Variants in PARL observed in about 807,000 individuals in gnomAD.
PARL encodes the protein presenilin-associated rhomboid-like protein, mitochondrial.
A neutral mutation model predicts 51.6 loss-of-function variants in PARL; 44 were observed. That is an observed-to-expected ratio of 0.85 (90% CI 0.67 to 1.10). PARL has a LOEUF of 1.10. PARL is among the 50% of genes least tolerant of loss of function. The pLI is 0.00. For synonymous variants in PARL, 172 were observed against 164.0 expected (o/e 1.05, Z -0.37); for missense variants, 441 against 469.5 (o/e 0.94, Z 0.56).
rs567545758 is a variant in PARL at position 183,833,479 on chromosome 3, C to T, written c.1028+13G>A. On this transcript the variant is annotated intron_variant, in intron 9 of 9. Transcript: ENST00000317096. ...AAGGAAGCAGTTTAGCAATCAATTA[C>T]ACTCAAACTTACATTCCAAAAAGAG... is the stretch of plus-strand genomic sequence containing the variant. 34 of 1,535,854 alleles carry T rather than the reference C, an allele frequency of 2.2e-5. No individual in the cohort carries two copies. Among genetic ancestry groups the T allele is most frequent in the Admixed American group, 6.7e-5 (4 of 59,930 alleles).
intron 6 of PARL, 117 bp downstream of exon 6, chr3:183,842,181 A>T: frequency 1.9e-6 from 2 of 1,039,992 alleles, no homozygotes; most frequent in Non-Finnish European, 3.0e-6. Context: ...GTGAGAAACA[A>T]ATATGTTCTG....
At chr3:183,851,720 A>C (rs1278076006) in intron 4 of PARL, among the ~76,000 whole-genome samples, 1 of 152,192 alleles carries the variant, frequency 6.6e-6, no homozygotes, top group East Asian at 1.9e-4. Context: ...CCAATGTAAA[A>C]ATGGGAAAGG....
intron 9 of PARL, 80 bp downstream of exon 9, chr3:183,833,412 G>A: frequency 1.2e-6 from 1 of 855,224 alleles, no homozygotes; most frequent in South Asian, 1.4e-5. Context: ...CCATGGGGAT[G>A]GGGGGTAGGG....
chr3:183,851,637 A>G (rs569381615), intron 4 of PARL, among the ~76,000 whole-genome samples: 1 of 152,280 alleles, frequency 6.6e-6, no homozygotes, highest in Admixed American at 6.5e-5. Context: ...AAGGCAACAA[A>G]ATGGGAGAAA....
intron 6 of PARL, among the ~76,000 whole-genome samples, chr3:183,841,809 C>G (rs1021025038): frequency 1.3e-5 from 2 of 152,090 alleles, no homozygotes; most frequent in Admixed American, 1.3e-4. Flanking sequence ...GCAAAGAAGA[C>G]AGAACAAACT....
At position 183,884,796 on chromosome 3, in the gene PARL, C is replaced by A. The variant is rs762024775; in HGVS notation, c.51G>T (p.Trp17Cys). 7.5e-6 allele frequency: 12 copies of A among 1,594,716 alleles called. No homozygotes were observed. The South Asian group carries it at 1.3e-4, about 18-fold the overall frequency. ...AGCTGCGGCCGCCCACCGACGCACC[C>A]CACGCCTGGCCGCAGCCCCAGCCTC... is the stretch of plus-strand genomic sequence containing the variant. ...AQRGWGCGQAWGASVGGRSCE... is the reference protein window; with the variant it reads ...AQRGWGCGQACGASVGGRSCE... Residue 17 changes from tryptophan (W) to cysteine (C), a missense_variant, in exon 1 of 10, where the codon TGG becomes TGT. Physicochemically the swap from Trp to Cys is radical, Grantham distance 215. Transcript: ENST00000317096.
intron 4 of PARL, among the ~76,000 whole-genome samples, chr3:183,855,927 G>C (rs542928316): frequency 3.3e-5 from 5 of 150,538 alleles, no homozygotes; most frequent in Admixed American, 6.7e-5. Context: ...CTACATTCTA[G>C]CCTGGGTGAC....
chr3:183,842,491 G>A (rs759752847), intron 5 of PARL, 44 bp from the exon 6 acceptor site: 3 of 1,587,242 alleles, frequency 1.9e-6, no homozygotes, highest in Admixed American at 3.3e-5. Context: ...GAAACACACA[G>A]CCAATAAAAA....
intron 4 of PARL, among the ~76,000 whole-genome samples, chr3:183,849,787 G>A (rs1039589506): frequency 1.3e-5 from 2 of 151,966 alleles, no homozygotes; most frequent in African/African-American, 4.8e-5. Context: ...ATCTCATACA[G>A]GTCTGAGATT....
chr3:183,831,547 A>G lies in PARL; in HGVS notation c.1029-1838T>C, dbSNP rs1269099419. On this transcript the variant is annotated intron_variant, in intron 9 of 9. Coordinates refer to ENST00000317096, the MANE Select transcript of PARL (RefSeq NM_018622.7). ...GCAGTTTCTTTTTCTGTAAAATAAA[A>G]TACCTCACAGGATTTTAAGAGAATT... Among the ~76,000 whole-genome samples the G allele has an allele frequency of 2.0e-5, 3 of 152,234 alleles. No individual in the cohort carries two copies. The East Asian group carries it at 5.8e-4, about 29-fold the overall frequency.
At position 183,829,667 on chromosome 3, in the gene PARL, C is replaced by T. The variant is rs768972694; in HGVS notation, c.1071G>A (p.Arg357=). The T allele has an allele frequency of 6.2e-7, 1 of 1,614,148 alleles. No homozygotes were observed. The highest frequency in any genetic ancestry group is 8.5e-7 in the Non-Finnish European group (1 of 1,180,030). The change falls in exon 10 of 10, where the codon AGG becomes AGA. Residue 357 remains arginine (R), a synonymous_variant. Coordinates refer to ENST00000317096, the MANE Select transcript of PARL (RefSeq NM_018622.7). The stretch of plus-strand genomic sequence containing the variant: ...CATGCCAGATTTTCACTAGCGGCTC[C>T]CTGTTCTTCCAAATCAGTTCATGAC... ...TYGHELIWKN[R]EPLVKIWHEI...
chr3:183,861,940 AT>A (rs1012562770), intron 4 of PARL, among the ~76,000 whole-genome samples: 3 of 152,096 alleles, frequency 2.0e-5, no homozygotes, highest in African/African-American at 7.2e-5. Context: ...CACCTGGCTA[AT>A]TTTTTGTATC....
Position 183,862,494 on chromosome 3 carries a change from T to C in PARL, c.511+259A>G, listed in dbSNP as rs977849084. ...AAGGGAAGTAATAATTAATAAGCTA[T>C]TCCACAAGCTGGAATTCTACAACAA... On this transcript the variant is annotated intron_variant, in intron 4 of 9. Coordinates refer to ENST00000317096, the MANE Select transcript of PARL (RefSeq NM_018622.7). 28 of 454,674 alleles carry C rather than the reference T, an allele frequency of 6.2e-5. No individual in the cohort carries two copies. In the South Asian group the frequency reaches 7.1e-4, roughly 12 times the overall value. The allele number at this position is 454,674 out of a possible 1,614,324, so 28.2% of individuals were successfully genotyped here. A position where few individuals can be genotyped will look rare whatever the true frequency, so the allele number is the denominator to read the frequency against.
At chr3:183,833,930 C>T in intron 7 of PARL, 105 bp from the exon 8 acceptor site, 1 of 774,090 alleles carries the variant, frequency 1.3e-6, no homozygotes. Context: ...ACATGCTGCA[C>T]ATTTCTAGGT....
intron 4 of PARL, among the ~76,000 whole-genome samples, chr3:183,846,116 C>A (rs1729916272): frequency 6.6e-6 from 1 of 152,060 alleles, no homozygotes; most frequent in African/African-American, 2.4e-5. Context: ...CTTCTGGAAA[C>A]CACAGGCACC....
chr3:183,878,616 C>G (rs1734107916), intron 1 of PARL, among the ~76,000 whole-genome samples: 1 of 152,246 alleles, frequency 6.6e-6, no homozygotes, highest in South Asian at 2.1e-4. Flanking sequence ...TAAGACCTCC[C>G]CAGGTGATTC....
intron 1 of PARL, among the ~76,000 whole-genome samples, chr3:183,878,399 A>T (rs1209272299): frequency 6.6e-6 from 1 of 152,218 alleles, no homozygotes; most frequent in Non-Finnish European, 1.5e-5. Flanking sequence ...CCAGCTTTGG[A>T]TAAGAACTAC....
intron 1 of PARL, among the ~76,000 whole-genome samples, chr3:183,882,227 ATATATATATATATATATTTAT>A (rs1734557005): frequency 6.2e-5 from 3 of 48,410 alleles, no homozygotes; most frequent in African/African-American, 2.2e-4. Context: ...AAAAAAATAT[ATATATATATATATATATTTAT>A]ATATATATAT....
At chr3:183,839,503 C>G (rs1317347142) in intron 7 of PARL, among the ~76,000 whole-genome samples, 1 of 152,074 alleles carries the variant, frequency 6.6e-6, no homozygotes, top group Non-Finnish European at 1.5e-5. Flanking sequence ...ACTGCAACCT[C>G]TACCCGCTGG....
Sources: allele counts gnomAD v4.1 joint callset (sites outside exome capture counted in the v4.1 genomes callset), GRCh38; gene constraint gnomAD v4.1.1; transcripts MANE v1.5; gene names NCBI Gene and HGNC (gene_info 2026-07-23, HGNC 2026-07-21).